The following RGSL1 variants were observed in gnomAD, a reference collection of about 807,000 sequenced individuals.
RGSL1 encodes regulator of G protein signaling protein-like.
In RGSL1, 97 loss-of-function variants were observed where a neutral mutation model predicts 124.7. That is an observed-to-expected ratio of 0.78 (90% CI 0.66 to 0.92). The LOEUF is 0.92. Among genes scored for constraint, RGSL1 ranks in the 40% least tolerant of loss-of-function variants. The probability of loss-of-function intolerance (pLI) is 0.00; values close to 1 mark genes in which losing one functional copy is unlikely to be tolerated. For missense variants in RGSL1, 1,233 were observed against 1,288.4 expected (o/e 0.96, Z 0.66); for synonymous variants, 424 against 438.1 (o/e 0.97, Z 0.40).
rs1329952458 is a variant in RGSL1 at position 182,474,495 on chromosome 1, G to A, written c.1384G>A (p.Gly462Arg). Reference sequence around the variant, plus strand: ...GGGCCTGAAGGAACTATTGCCCTCTGGGGATGTGATCCCCTGGATTCCCAA... The same window carrying A: ...GGGCCTGAAGGAACTATTGCCCTCTAGGGATGTGATCCCCTGGATTCCCAA... ...IQGLKELLPS[G>R]DVIPWIPKAQ... Residue 462 changes from glycine (G) to arginine (R), a missense_variant, in exon 6 of 22, where the codon GGG (glycine) becomes AGG (arginine). Physicochemically the swap from Gly to Arg is moderately radical, Grantham distance 125. Transcript: ENST00000294854. 4 of 1,550,460 alleles carry A rather than the reference G, an allele frequency of 2.6e-6. No individual in the cohort carries two copies. Among genetic ancestry groups the A allele is most frequent in the Non-Finnish European group, 3.5e-6 (4 of 1,145,982 alleles).
chr1:182,482,934 C>T (rs548960366), intron 6 of RGSL1, among the ~76,000 whole-genome samples: 1 of 152,134 alleles, frequency 6.6e-6, no homozygotes, highest in Admixed American at 6.5e-5. Flanking sequence ...ATTATTCAGT[C>T]TTTAAAAGGA....
At chr1:182,542,024 G>T (rs1659922442) in intron 15 of RGSL1, among the ~76,000 whole-genome samples, 5 of 152,042 alleles carry the variant, frequency 3.3e-5, no homozygotes, top group Admixed American at 3.3e-4. Context: ...CCCATTCTGA[G>T]GGTTGTCTCT....
At chr1:182,502,433 A>G (rs1656465092) in intron 9 of RGSL1, among the ~76,000 whole-genome samples, 1 of 152,166 alleles carries the variant, frequency 6.6e-6, no homozygotes, top group Admixed American at 6.5e-5. Flanking sequence ...AAAATTAACC[A>G]GGCACAATGG....
intron 5 of RGSL1, 197 bp downstream of exon 5, chr1:182,472,754 C>G: frequency 3.8e-6 from 2 of 522,772 alleles, no homozygotes; most frequent in Non-Finnish European, 6.4e-6. Flanking sequence ...GCACTTGCCT[C>G]TCTCTAAGAT....
In RGSL1 at chr1:182,460,398, G is replaced by T. The variant is rs139397837; in HGVS notation, c.301+265G>T. ...TTAGCCTGAAATATTGGTATCAAGA[G>T]AAATATGCAGGAATCTGATGGACTG... is the stretch of plus-strand genomic sequence containing the variant. On this transcript the variant is annotated intron_variant, in intron 4 of 21. Coordinates refer to ENST00000294854, the MANE Select transcript of RGSL1 (RefSeq NM_001137669.2). Among the ~76,000 whole-genome samples the T allele has an allele frequency of 8.4e-3, 1,275 of 152,322 alleles. 8 individuals carry two copies. The highest frequency in any genetic ancestry group is 0.014 in the Admixed American group (214 of 15,302).
chr1:182,488,429 G>A (rs1460901157), intron 7 of RGSL1, 82 bp downstream of exon 7: 1 of 1,256,338 alleles, frequency 8.0e-7, no homozygotes, highest in African/African-American at 1.5e-5. Flanking sequence ...AGGGTTATGT[G>A]TTAAAGTAAA....
At chr1:182,535,705 T>C (rs1659492184) in intron 14 of RGSL1, among the ~76,000 whole-genome samples, 2 of 152,204 alleles carry the variant, frequency 1.3e-5, no homozygotes, top group Non-Finnish European at 2.9e-5. Flanking sequence ...CTGTTTCCCT[T>C]TTGAACAAAA....
intron 6 of RGSL1, among the ~76,000 whole-genome samples, chr1:182,483,753 G>A (rs1227920223): frequency 6.6e-6 from 1 of 152,138 alleles, no homozygotes; most frequent in East Asian, 1.9e-4. Context: ...GTCTTGGGGT[G>A]CACGTTCACT....
chr1:182,538,320 G>T (rs1180620423), intron 14 of RGSL1, among the ~76,000 whole-genome samples: 1 of 152,092 alleles, frequency 6.6e-6, no homozygotes, highest in East Asian at 1.9e-4. Context: ...CAGAGGTCAG[G>T]TGTTCGAGAC....
chr1:182,483,378 G>A (rs1375410467), intron 6 of RGSL1, among the ~76,000 whole-genome samples: 3 of 152,036 alleles, frequency 2.0e-5, no homozygotes, highest in East Asian at 1.9e-4. Context: ...GAGACATCAA[G>A]TTGTATACAT....
At chr1:182,469,797 A>AATAT (rs897503739) in intron 4 of RGSL1, among the ~76,000 whole-genome samples, 1 of 152,026 alleles carries the variant, frequency 6.6e-6, no homozygotes. Context: ...TGAGATTTTA[A>AATAT]ATATATATAT....
upstream of RGSL1, chr1:182,448,027 T>C (rs1651581342): frequency 6.6e-6 from 1 of 151,776 alleles, no homozygotes; most frequent in Non-Finnish European, 1.5e-5. Context: ...ATTTTGCAAG[T>C]ATTTACGGTG....
At chr1:182,459,922 T>C (rs1460689702) in intron 3 of RGSL1, 82 bp from the exon 4 acceptor site, 9 of 1,484,470 alleles carry the variant, frequency 6.1e-6, no homozygotes, top group Non-Finnish European at 8.1e-6. Context: ...TGTGAGGTGA[T>C]TAGTTGCCAC....
In RGSL1 at chr1:182,453,952, A is replaced by C. The variant is rs1013193538; in HGVS notation, c.14-6A>C. On this transcript the variant is annotated splice_polypyrimidine_tract_variant and splice_region_variant and intron_variant, in intron 1 of 21. Transcript: ENST00000294854. ...TTTGTTTTTTTATTTCTCTCTCTCC[A>C]TATAGAGATAATTGGTTCTACAAAT... 24 of 1,429,830 alleles carry C rather than the reference A, an allele frequency of 1.7e-5. 1 individual carries two copies. The highest frequency in any genetic ancestry group is 2.3e-5 in the Non-Finnish European group (24 of 1,036,808). 88.6% of individuals were successfully genotyped at this position (1,429,830 alleles called of 1,614,324 possible). A position where few individuals can be genotyped will look rare whatever the true frequency, so the allele number is the denominator to read the frequency against.
At chr1:182,489,329 C>T (rs1310472374) in intron 8 of RGSL1, 127 bp downstream of exon 8, 10 of 799,520 alleles carry the variant, frequency 1.3e-5, no homozygotes, top group Non-Finnish European at 1.8e-5. Flanking sequence ...ATTTGGTCAT[C>T]AAAACAGCCT....
At position 182,452,583 on chromosome 1, in the gene RGSL1, G is replaced by C. The variant is rs544204684; in HGVS notation, c.14-1375G>C. Among the ~76,000 whole-genome samples, 126 of 151,972 alleles carry C rather than the reference G, an allele frequency of 8.3e-4. 1 individual carries two copies. The highest frequency in any genetic ancestry group is 6.8e-3 in the Middle Eastern group (2 of 294). ...TTCTCCTGCCTCAGCCTCCCAAGTA[G>C]TTGGGATTACAGGCTCCCGCCACTA... On this transcript the variant is annotated intron_variant, in intron 1 of 21. Transcript: ENST00000294854.
In RGSL1 at chr1:182,530,350, A is replaced by T; in HGVS notation, c.2232A>T (p.Ile744=). 1 of 1,550,296 alleles carries T rather than the reference A, an allele frequency of 6.5e-7. No individual in the cohort carries two copies. Among genetic ancestry groups the T allele is most frequent in the Non-Finnish European group, 8.7e-7 (1 of 1,146,028 alleles). ...LTLQGHVMKS[I]EEKWFKDYQD... is the part of the protein sequence containing the mutation. ...TCCAGGGACATGTTATGAAATCTAT[A>T]GAAGAAAAGTGGTGAGTATACTCAA... The change falls in exon 12 of 22, where the codon ATA becomes ATT. Residue 744 remains isoleucine (I), a synonymous_variant. Transcript: ENST00000294854.
chr1:182,530,642 T>C (rs1659105965), intron 12 of RGSL1, 148 bp from the exon 13 acceptor site: 2 of 917,832 alleles, frequency 2.2e-6, no homozygotes, highest in African/African-American at 3.4e-5. Flanking sequence ...AAAGGTCTGA[T>C]AGAGTAAGAA....
intron 15 of RGSL1, among the ~76,000 whole-genome samples, chr1:182,545,547 T>C (rs1207153515): frequency 6.6e-6 from 1 of 152,198 alleles, no homozygotes; most frequent in Admixed American, 6.5e-5. Context: ...GTCATTTTCT[T>C]TCAGAATAAA....
Sources: gnomAD v4.1 joint callset for allele counts (sites outside exome capture counted in the v4.1 genomes callset) on GRCh38, gnomAD v4.1.1 for gene constraint, MANE v1.5 for transcripts, NCBI Gene and HGNC (gene_info 2026-07-23, HGNC 2026-07-21) for gene names.